Variants in PIK3C3 observed in about 807,000 individuals in gnomAD.
PIK3C3 encodes PI3-kinase type 3.
In PIK3C3, 95 loss-of-function variants were observed where a neutral mutation model predicts 126.1. The observed-to-expected ratio is 0.75, with a 90% CI of 0.64 to 0.89. PIK3C3 has a LOEUF of 0.89. Ranked by LOEUF, PIK3C3 falls within the 40% of genes least tolerant of loss-of-function variation. The probability of loss-of-function intolerance (pLI) is 0.00; values close to 1 mark genes in which losing one functional copy is unlikely to be tolerated. For missense variants in PIK3C3, 829 were observed against 1,063.2 expected, an observed-to-expected ratio of 0.78 and a Z score of 3.06; for synonymous variants, 374 against 360.0, an observed-to-expected ratio of 1.04 and a Z score of -0.44.
chr18:42,064,461 A>G (rs1011695751), intron 22 of PIK3C3, among the ~76,000 whole-genome samples: 1 of 152,178 alleles, frequency 6.6e-6, no homozygotes, highest in African/African-American at 2.4e-5. Flanking sequence ...AAATATATAT[A>G]TATACTTACT....
rs562012466 is a variant in PIK3C3, at chr18:42,077,613, A to G, written c.2650-3510A>G. On this transcript the variant is annotated intron_variant, in intron 24 of 24. Coordinates refer to ENST00000262039, the MANE Select transcript of PIK3C3 (RefSeq NM_002647.4). ...CAATTCAGTCACATATTCAGGCTCC[A>G]CTTCTAATTCTTGTTCTCTTGTAGT... Among the ~76,000 whole-genome samples, 6 of 152,318 alleles carry G rather than the reference A, an allele frequency of 3.9e-5. No homozygotes were observed. The South Asian group carries it at 8.3e-4, about 21-fold the overall frequency.
chr18:41,962,448 T>C, intron 2 of PIK3C3, 41 bp from the exon 3 acceptor site: 1 of 1,503,396 alleles, frequency 6.7e-7, no homozygotes, highest in African/African-American at 1.4e-5. Flanking sequence ...GAAAGATATA[T>C]ATATATGTAT....
intron 15 of PIK3C3, among the ~76,000 whole-genome samples, chr18:42,033,446 C>T (rs1294493517): frequency 1.3e-5 from 2 of 152,128 alleles, no homozygotes; most frequent in African/African-American, 4.8e-5. Flanking sequence ...TTTGGTCATG[C>T]AAAATTAAAC....
chr18:42,015,385 C>T, intron 11 of PIK3C3, 91 bp from the exon 12 acceptor site: 2 of 904,372 alleles, frequency 2.2e-6, no homozygotes, highest in Non-Finnish European at 3.6e-6. Flanking sequence ...TAACTAGACA[C>T]AATTGAAGTG....
intron 22 of PIK3C3, among the ~76,000 whole-genome samples, chr18:42,063,084 G>A (rs953327978): frequency 2.0e-5 from 3 of 152,070 alleles, no homozygotes; most frequent in Admixed American, 6.6e-5. Flanking sequence ...ATCAACGTGT[G>A]TTACTCCACT....
At chr18:42,015,422 C>A in intron 11 of PIK3C3, 54 bp from the exon 12 acceptor site, 1 of 1,370,788 alleles carries the variant, frequency 7.3e-7, no homozygotes, top group South Asian at 1.2e-5. Flanking sequence ...ATTGTGCGTT[C>A]TCTTATGGAC....
chr18:41,975,270 A>G (rs772554157), intron 4 of PIK3C3, among the ~76,000 whole-genome samples: 12 of 152,238 alleles, frequency 7.9e-5, no homozygotes, highest in African/African-American at 1.7e-4. Context: ...AGAGTCATTT[A>G]TAATCTGGAG....
At position 42,081,277 on chromosome 18, in the gene PIK3C3, A is replaced by G. The variant is rs1397684530; in HGVS notation, c.*140A>G. ...AGTTACCATATTTTCCAAATATTAC[A>G]TGGTACCTGAGTTCTGCTTCCTTGG... On this transcript the variant is annotated 3_prime_UTR_variant, in exon 25 of 25. Coordinates refer to ENST00000262039, the MANE Select transcript of PIK3C3 (RefSeq NM_002647.4). The G allele has an allele frequency of 1.6e-5, 9 of 563,112 alleles. 1 individual carries two copies. Among genetic ancestry groups the G allele is most frequent in the African/African-American group, 3.8e-5 (2 of 52,158 alleles). The allele number at this position is 563,112 out of a possible 1,614,324, so 34.9% of individuals were successfully genotyped here.
At chr18:41,970,850 T>C in intron 4 of PIK3C3, 1 of 242,590 alleles carries the variant, frequency 4.1e-6, no homozygotes, top group Non-Finnish European at 7.9e-6. Flanking sequence ...GTATGTGACC[T>C]TATGTCTGGA....
chr18:42,076,828 T>A lies in PIK3C3; in HGVS notation c.2650-4295T>A, dbSNP rs111431077. Among the ~76,000 whole-genome samples the A allele has an allele frequency of 7.2e-3, 1,103 of 152,368 alleles. 9 individuals are homozygous for A. Among genetic ancestry groups the A allele is most frequent in the Non-Finnish European group, 0.012 (784 of 68,028 alleles). ...ATAGGGTTTGCCATGTTTGCTTCATTAACTGCTTTTAGTAAGGTTAGTTTT... is the reference window on the plus strand; with the variant it reads ...ATAGGGTTTGCCATGTTTGCTTCATAAACTGCTTTTAGTAAGGTTAGTTTT... On this transcript the variant is annotated intron_variant, in intron 24 of 24. Coordinates refer to ENST00000262039, the MANE Select transcript of PIK3C3 (RefSeq NM_002647.4).
chr18:42,036,718 A>T (rs932266271), intron 16 of PIK3C3, among the ~76,000 whole-genome samples: 9 of 152,132 alleles, frequency 5.9e-5, no homozygotes, highest in African/African-American at 2.2e-4. Context: ...GGAAAACATA[A>T]TATTATTCCA....
chr18:42,066,715 C>T (rs778590292), intron 23 of PIK3C3, among the ~76,000 whole-genome samples: 5 of 152,110 alleles, frequency 3.3e-5, no homozygotes, highest in South Asian at 4.2e-4. Context: ...ATAAAATATA[C>T]GCACATAAAT....
At chr18:41,968,213 C>T (rs775724758) in intron 3 of PIK3C3, among the ~76,000 whole-genome samples, 1 of 152,108 alleles carries the variant, frequency 6.6e-6, no homozygotes, top group Non-Finnish European at 1.5e-5. Flanking sequence ...AAAGTATTCA[C>T]TGGGGGATGG....
chr18:42,056,895 A>G (rs553469149), intron 21 of PIK3C3, among the ~76,000 whole-genome samples: 4 of 151,912 alleles, frequency 2.6e-5, no homozygotes, highest in Non-Finnish European at 4.4e-5. Flanking sequence ...GGTTCCTCAT[A>G]TTTGTTGAAT....
chr18:42,044,373 T>C (rs1984463690), intron 20 of PIK3C3, among the ~76,000 whole-genome samples: 1 of 151,518 alleles, frequency 6.6e-6, no homozygotes, highest in African/African-American at 2.4e-5. Flanking sequence ...TCTACAGGAT[T>C]TTTTTTTTCA....
chr18:42,053,218 G>A (rs1984882127), intron 21 of PIK3C3, among the ~76,000 whole-genome samples: 1 of 152,170 alleles, frequency 6.6e-6, no homozygotes, highest in Admixed American at 6.6e-5. Context: ...GAAAGAAAAT[G>A]ATTCGCTGCA....
At chr18:41,987,055 T>C (rs1420156220) in intron 4 of PIK3C3, among the ~76,000 whole-genome samples, 2 of 152,064 alleles carry the variant, frequency 1.3e-5, no homozygotes. Context: ...ATAGATAAGC[T>C]ACTATGTAAA....
chr18:42,009,262 T>C (rs1367383326), intron 10 of PIK3C3, among the ~76,000 whole-genome samples: 2 of 152,174 alleles, frequency 1.3e-5, no homozygotes, highest in Non-Finnish European at 2.9e-5. Context: ...ACTCCTGACA[T>C]TGACATATTT....
chr18:42,006,639 A>G (rs1982559183), intron 10 of PIK3C3, among the ~76,000 whole-genome samples: 1 of 152,012 alleles, frequency 6.6e-6, no homozygotes, highest in Admixed American at 6.6e-5. Flanking sequence ...AGCATGCTAT[A>G]TTTTGTCCTT....
Sources: allele counts gnomAD v4.1 joint callset (sites outside exome capture counted in the v4.1 genomes callset), GRCh38; gene constraint gnomAD v4.1.1; transcripts MANE v1.5; gene names NCBI Gene and HGNC (gene_info 2026-07-23, HGNC 2026-07-21).